NTN1: variants seen among roughly 807,000 people sequenced by gnomAD.
NTN1 encodes netrin 1.
NTN1 carries 11 observed loss-of-function variants against 54.2 expected under a neutral mutation model. The ratio of observed to expected loss-of-function variants is 0.20; its 90% CI spans 0.13 to 0.34. The LOEUF (loss-of-function observed/expected upper bound fraction) is 0.34, where lower values mean the gene tolerates loss of function less well. NTN1 is among the 10% of genes least tolerant of loss of function. The pLI is 1.00. For synonymous variants in NTN1, 371 were observed against 382.0 expected, an observed-to-expected ratio of 0.97 and a Z score of 0.33; for missense variants, 740 against 893.1, an observed-to-expected ratio of 0.83 and a Z score of 2.18.
At chr17:9,131,581 C>CT (rs11361363) in intron 2 of NTN1, among the ~76,000 whole-genome samples, 4,231 of 134,002 alleles carry the variant, frequency 0.032, 101 homozygotes, top group Non-Finnish European at 0.048. Flanking sequence ...TCCCTTGATG[C>CT]TTTTTTTTTT....
chr17:9,054,025 C>A (rs1422404398), intron 2 of NTN1, among the ~76,000 whole-genome samples: 2 of 152,172 alleles, frequency 1.3e-5, no homozygotes, highest in East Asian at 3.9e-4. Context: ...TTTGCCTTGG[C>A]AGGGATCCCC....
intron 5 of NTN1, among the ~76,000 whole-genome samples, chr17:9,195,132 A>C (rs2142331639): frequency 2.0e-5 from 3 of 150,630 alleles, no homozygotes; most frequent in East Asian, 3.9e-4. Flanking sequence ...CCTTTTCGGG[A>C]CCTGCACAAA....
chr17:9,120,980 C>G (rs558670096), intron 2 of NTN1, among the ~76,000 whole-genome samples: 23 of 152,280 alleles, frequency 1.5e-4, no homozygotes, highest in African/African-American at 5.3e-4. Flanking sequence ...CTTCTGGAGA[C>G]AGAAAACCAT....
chr17:9,135,904 C>T lies in NTN1; in HGVS notation c.1019-26909C>T, dbSNP rs961477133. Among the ~76,000 whole-genome samples, 1 of 152,204 alleles carries T rather than the reference C, an allele frequency of 6.6e-6. No homozygotes were observed. The highest frequency in any genetic ancestry group is 1.5e-5 in the Non-Finnish European group (1 of 68,042). ...AGCACAGCCCATACTCAGAGGGCAG[C>T]ATGAACACTGCCACCCCAAACGTGT... On this transcript the variant is annotated intron_variant, in intron 2 of 6. Coordinates refer to ENST00000173229, the MANE Select transcript of NTN1 (RefSeq NM_004822.3). This position sits in a 1 kb window ranked among gnomAD's most constrained non-coding sequence, Gnocchi z 4.4.
chr17:9,226,941 C>T (rs1905584841), intron 6 of NTN1, among the ~76,000 whole-genome samples: 1 of 152,026 alleles, frequency 6.6e-6, no homozygotes, highest in South Asian at 2.1e-4. Context: ...ACTGGAGCAT[C>T]CCAGCCCCGC....
At chr17:9,133,895 T>A (rs1211062626) in intron 2 of NTN1, among the ~76,000 whole-genome samples, 1 of 142,802 alleles carries the variant, frequency 7.0e-6, no homozygotes, top group East Asian at 2.1e-4. Flanking sequence ...CCACTGGGCC[T>A]AGCCTTTTTT....
the NTN1 span, among the ~76,000 whole-genome samples, chr17:9,010,400 G>C: frequency 6.6e-6 from 1 of 152,172 alleles, no homozygotes; most frequent in Admixed American, 6.5e-5. Context: ...GCAAGCACTT[G>C]GCAAGCTTCT....
intron 1 of NTN1, among the ~76,000 whole-genome samples, 155 bp downstream of exon 1, chr17:9,021,740 A>G (rs1361314063): frequency 6.6e-6 from 1 of 151,054 alleles, no homozygotes; most frequent in Non-Finnish European, 1.5e-5. Context: ...CGCGCCGGGC[A>G]TGGAGCTGGC....
At chr17:9,138,113 G>A (rs2092286861) in intron 2 of NTN1, among the ~76,000 whole-genome samples, 1 of 152,210 alleles carries the variant, frequency 6.6e-6, no homozygotes. Context: ...TCCCCGGCGT[G>A]TCTTTTTTCC....
At chr17:9,180,708 A>G (rs189636944) in intron 4 of NTN1, among the ~76,000 whole-genome samples, 6 of 152,318 alleles carry the variant, frequency 3.9e-5, no homozygotes, top group Non-Finnish European at 7.4e-5. Context: ...CAGGGCTTCC[A>G]TGCACGGCAC....
intron 2 of NTN1, among the ~76,000 whole-genome samples, chr17:9,061,743 G>A (rs112071048): frequency 3.9e-5 from 6 of 151,930 alleles, no homozygotes; most frequent in African/African-American, 9.7e-5. Context: ...TCGCTCTGTC[G>A]CCCAGACCAG....
Position 9,138,751 on chromosome 17 carries a change from A to G in NTN1, c.1019-24062A>G, listed in dbSNP as rs554874645. On this transcript the variant is annotated intron_variant, in intron 2 of 6. Coordinates refer to ENST00000173229, the MANE Select transcript of NTN1 (RefSeq NM_004822.3). ...GGTACCAGGGAGGGGCAGAGCTGTC[A>G]GGGCTGGGGAGTGGGGGATTGGTGA... Among the ~76,000 whole-genome samples, 45 of 152,250 alleles carry G rather than the reference A, an allele frequency of 3.0e-4. No individual in the cohort carries two copies. The East Asian group carries it at 4.1e-3, about 14-fold the overall frequency.
intron 2 of NTN1, among the ~76,000 whole-genome samples, chr17:9,146,466 T>A (rs1361123916): frequency 6.6e-6 from 1 of 152,004 alleles, no homozygotes; most frequent in Non-Finnish European, 1.5e-5. Context: ...ATTTTGGGGG[T>A]GAGTCCTCAA....
chr17:9,163,698 G>T (rs1054985156), intron 3 of NTN1, among the ~76,000 whole-genome samples: 1 of 152,062 alleles, frequency 6.6e-6, no homozygotes, highest in Non-Finnish European at 1.5e-5. Flanking sequence ...TGTTTTTCTC[G>T]TACCAACAAA....
chr17:9,110,842 CT>C (rs2092187804), intron 2 of NTN1, among the ~76,000 whole-genome samples: 1 of 152,038 alleles, frequency 6.6e-6, no homozygotes, highest in Admixed American at 6.6e-5. Flanking sequence ...GCCTCTCTGC[CT>C]CTGTCTTACA....
At chr17:9,229,747 A>G (rs1048038565) in intron 6 of NTN1, among the ~76,000 whole-genome samples, 1 of 151,986 alleles carries the variant, frequency 6.6e-6, no homozygotes, top group Non-Finnish European at 1.5e-5. Context: ...GGTGGTCCAG[A>G]GGTGGATTGG....
At chr17:9,176,376 G>C (rs551464155) in intron 3 of NTN1, 2 of 152,478 alleles carry the variant, frequency 1.3e-5, no homozygotes, top group South Asian at 2.1e-4. Context: ...TGTGTTAGTA[G>C]GAACTTTGAT....
At position 9,221,309 on chromosome 17, in the gene NTN1, T is replaced by G. The variant is rs2142356670; in HGVS notation, c.1486+67T>G. 7.7e-7 allele frequency: 1 copy of G among 1,296,432 alleles called. No individual in the cohort carries two copies. Among genetic ancestry groups the G allele is most frequent in the Non-Finnish European group, 1.1e-6 (1 of 891,170 alleles). 80.3% of individuals were successfully genotyped at this position (1,296,432 alleles called of 1,614,324 possible). ...CACGTGACCAGCGAGGTGCTGGGGC[T>G]GGGGTGCAGCTGGCCCCCGATGGGT... On this transcript the variant is annotated intron_variant, in intron 6 of 6. Coordinates refer to ENST00000173229, the MANE Select transcript of NTN1 (RefSeq NM_004822.3). The surrounding 1 kb of genome is among the most constrained non-coding windows in gnomAD (Gnocchi z 4.5).
intron 6 of NTN1, among the ~76,000 whole-genome samples, chr17:9,233,609 G>A (rs7220438): frequency 0.022 from 3,406 of 152,062 alleles, 195 homozygotes; most frequent in African/African-American, 0.079. Context: ...ATGGACTGGG[G>A]TCTGGACAGA....
Sources: gnomAD v4.1 joint callset for allele counts (sites outside exome capture counted in the v4.1 genomes callset) on GRCh38, gnomAD v4.1.1 for gene constraint, Gnocchi (gnomAD v3.1) non-coding constraint, MANE v1.5 for transcripts, NCBI Gene and HGNC (gene_info 2026-07-23, HGNC 2026-07-21) for gene names.